ROBO2: variants seen among roughly 807,000 people sequenced by gnomAD.
ROBO2 encodes the protein roundabout guidance receptor 2.
In ROBO2, 53 loss-of-function variants were observed where a neutral mutation model predicts 160.8. The ratio of observed to expected loss-of-function variants is 0.33; its 90% CI spans 0.26 to 0.41. ROBO2 has a LOEUF of 0.41. Ranked by LOEUF, ROBO2 falls within the 10% of genes least tolerant of loss-of-function variation. The pLI is 1.00. For synonymous variants in ROBO2, 664 were observed against 611.7 expected (o/e 1.09, Z -1.26); for missense variants, 1,577 against 1,722.4 (o/e 0.92, Z 1.49).
chr3:76,371,324 G>A (rs2076087571), intron 2 of ROBO2, among the ~76,000 whole-genome samples: 3 of 151,890 alleles, frequency 2.0e-5, no homozygotes, highest in African/African-American at 7.2e-5. Context: ...GAAAGTGAAA[G>A]GGTATTTACA....
intron 2 of ROBO2, among the ~76,000 whole-genome samples, chr3:76,897,003 T>C (rs992592689): frequency 3.3e-5 from 5 of 152,172 alleles, no homozygotes; most frequent in Admixed American, 6.6e-5. Flanking sequence ...TGGACAGTTG[T>C]CAGCACTGTG....
intron 24 of ROBO2, among the ~76,000 whole-genome samples, chr3:77,638,818 CTTTTTTTT>C (rs34034420): frequency 7.8e-5 from 4 of 51,270 alleles, no homozygotes; most frequent in Non-Finnish European, 1.4e-4. Flanking sequence ...TTTCACCTAG[CTTTTTTTT>C]TTTTTTTTTT....
intron 2 of ROBO2, among the ~76,000 whole-genome samples, chr3:77,228,032 G>A (rs1459558152): frequency 6.6e-6 from 1 of 152,170 alleles, no homozygotes; most frequent in Non-Finnish European, 1.5e-5. Context: ...ATTTCCTAAT[G>A]TTTGACTTCC....
chr3:77,411,268 T>A (rs1163583897), intron 2 of ROBO2, among the ~76,000 whole-genome samples: 1 of 152,220 alleles, frequency 6.6e-6, no homozygotes, highest in Non-Finnish European at 1.5e-5. Flanking sequence ...TTCTCATACA[T>A]GCCTGGTGAG....
chr3:76,584,611 C>T (rs1030958130), intron 2 of ROBO2, among the ~76,000 whole-genome samples: 4 of 152,088 alleles, frequency 2.6e-5, no homozygotes, highest in Admixed American at 1.3e-4. Context: ...AAGGGACCAA[C>T]GCAGCTGACA....
At chr3:76,080,774 G>A (rs182590093) in intron 2 of ROBO2, among the ~76,000 whole-genome samples, 14 of 152,256 alleles carry the variant, frequency 9.2e-5, no homozygotes, top group African/African-American at 3.4e-4. Flanking sequence ...AGGATATGTA[G>A]TAAGATATAT....
At chr3:76,768,808 T>C (rs2061715971) in intron 2 of ROBO2, among the ~76,000 whole-genome samples, 1 of 151,334 alleles carries the variant, frequency 6.6e-6, no homozygotes, top group African/African-American at 2.4e-5. Flanking sequence ...TTTCAGTGCA[T>C]AGTGAAGCAC....
In ROBO2 at chr3:77,339,231, A is replaced by G. The variant is rs531400063; in HGVS notation, c.389-138183A>G. ...TATTCCGTATGGTTGAAGTAGACAC[A>G]TTGAGGATTAGAGTTAGAAGTTATT... On this transcript the variant is annotated intron_variant, in intron 2 of 25. Coordinates refer to ENST00000461745, the Ensembl canonical transcript of ROBO2. Among the ~76,000 whole-genome samples, 5 of 152,126 alleles carry G rather than the reference A, an allele frequency of 3.3e-5. 1 individual carries two copies. Among genetic ancestry groups the G allele is most frequent in the African/African-American group, 1.2e-4 (5 of 41,532 alleles).
chr3:77,255,846 G>T (rs2058374543), intron 2 of ROBO2, among the ~76,000 whole-genome samples: 1 of 152,186 alleles, frequency 6.6e-6, no homozygotes, highest in Non-Finnish European at 1.5e-5. Flanking sequence ...TCTCGTCAAA[G>T]GAAATCCTAT....
chr3:76,256,546 A>T (rs2107576926), intron 2 of ROBO2, among the ~76,000 whole-genome samples: 1 of 151,998 alleles, frequency 6.6e-6, no homozygotes, highest in Non-Finnish European at 1.5e-5. Flanking sequence ...GTCTCTACAA[A>T]AAATAAAAGC....
At chr3:77,182,347 T>C (rs1480122194) in intron 2 of ROBO2, among the ~76,000 whole-genome samples, 3 of 152,092 alleles carry the variant, frequency 2.0e-5, no homozygotes, top group Admixed American at 2.0e-4. Context: ...TATACACAAG[T>C]TCCTTTCTTA....
chr3:77,024,446 A>G (rs1214625877), intron 2 of ROBO2, among the ~76,000 whole-genome samples: 2 of 152,216 alleles, frequency 1.3e-5, no homozygotes, highest in Admixed American at 1.3e-4. Flanking sequence ...TCAGCAAAAC[A>G]GGGAGTCATC....
chr3:76,944,959 G>T (rs1286740753), intron 2 of ROBO2, among the ~76,000 whole-genome samples: 1 of 151,782 alleles, frequency 6.6e-6, no homozygotes, highest in Non-Finnish European at 1.5e-5. Flanking sequence ...CGCGATCTCA[G>T]CTCACTGCAA....
chr3:77,270,259 T>A (rs904857943), intron 2 of ROBO2, among the ~76,000 whole-genome samples: 1 of 152,246 alleles, frequency 6.6e-6, no homozygotes, highest in African/African-American at 2.4e-5. Flanking sequence ...TGTTGGCTTA[T>A]TCTTTATGCT....
At chr3:77,215,977 T>A (rs1262355147) in intron 2 of ROBO2, among the ~76,000 whole-genome samples, 1 of 152,160 alleles carries the variant, frequency 6.6e-6, no homozygotes, top group African/African-American at 2.4e-5. Flanking sequence ...GTGTGAGGTG[T>A]CAGTCTGCCA....
chr3:76,837,647 TTAA>T (rs1011311116), intron 2 of ROBO2, among the ~76,000 whole-genome samples: 5 of 151,880 alleles, frequency 3.3e-5, no homozygotes, highest in African/African-American at 1.2e-4. Flanking sequence ...ATATATATTA[TTAA>T]TATCGTTGTT....
intron 2 of ROBO2, among the ~76,000 whole-genome samples, chr3:76,195,805 G>A (rs1329992711): frequency 6.6e-6 from 1 of 152,094 alleles, no homozygotes; most frequent in Non-Finnish European, 1.5e-5. Context: ...TTATTCTTAG[G>A]CAAAGGCAAA....
intron 4 of ROBO2, among the ~76,000 whole-genome samples, chr3:77,482,360 C>A (rs534194720): frequency 6.6e-6 from 1 of 152,232 alleles, no homozygotes; most frequent in Admixed American, 6.5e-5. Context: ...TTGGGAGACG[C>A]CATCCCAAGG....
rs2077553003 is a variant in ROBO2 at position 76,397,790 on chromosome 3, A to T, written c.109+460188A>T. 2.0e-5 allele frequency among the ~76,000 whole-genome samples: 3 copies of T among 152,236 alleles called. No homozygotes were observed. In the South Asian group the frequency reaches 6.2e-4, roughly 32 times the overall value. ...CCACAATGGGATACCATCTCACACC[A>T]GTGAGAATGGCAATCATTAAAAAGT... On this transcript the variant is annotated intron_variant, in intron 2 of 26. Transcript: ENST00000487694.
Sources: gnomAD v4.1 joint callset for allele counts (sites outside exome capture counted in the v4.1 genomes callset) on GRCh38, gnomAD v4.1.1 for gene constraint, MANE v1.5 for transcripts, NCBI Gene and HGNC (gene_info 2026-07-23, HGNC 2026-07-21) for gene names.